Variants in GALNTL6 observed in about 807,000 individuals in gnomAD.
The protein encoded by GALNTL6 is polypeptide N-acetylgalactosaminyltransferase like 6, also known as polypeptide N-acetylgalactosaminyltransferase-like 6.
Under a neutral mutation model 73.7 loss-of-function variants are expected in GALNTL6, and 46 were observed. That is an observed-to-expected ratio of 0.62 (90% CI 0.49 to 0.80). GALNTL6 has a LOEUF of 0.80. Ranked by LOEUF, GALNTL6 falls within the 30% of genes least tolerant of loss-of-function variation. The pLI, the probability that GALNTL6 is intolerant of heterozygous loss-of-function variation, is 0.00. For missense variants in GALNTL6, 604 were observed against 755.0 expected, an observed-to-expected ratio of 0.80 and a Z score of 2.34; for synonymous variants, 259 against 263.7, an observed-to-expected ratio of 0.98 and a Z score of 0.17.
intron 5 of GALNTL6, among the ~76,000 whole-genome samples, chr4:172,785,735 G>A (rs1739616814): frequency 6.6e-6 from 1 of 151,956 alleles, no homozygotes; most frequent in Admixed American, 6.6e-5. Context: ...TGAAAAGAAT[G>A]TCTAAGTAGT....
chr4:172,945,090 A>G (rs1245009267), intron 9 of GALNTL6, among the ~76,000 whole-genome samples: 1 of 151,890 alleles, frequency 6.6e-6, no homozygotes, highest in Non-Finnish European at 1.5e-5. Context: ...AAAGAATACT[A>G]TAAGAATGAA....
chr4:172,404,994 T>G (rs973051827), intron 5 of GALNTL6, among the ~76,000 whole-genome samples: 3 of 152,084 alleles, frequency 2.0e-5, no homozygotes, highest in Non-Finnish European at 4.4e-5. Flanking sequence ...GCTACCGGTC[T>G]CTCAGTTTCA....
At chr4:172,960,945 T>C (rs1406260582) in intron 10 of GALNTL6, among the ~76,000 whole-genome samples, 1 of 128,994 alleles carries the variant, frequency 7.8e-6, no homozygotes. Flanking sequence ...AGAGAAAGGG[T>C]GGGGGTGCTT....
chr4:171,874,274 C>T (rs1736216293), intron 2 of GALNTL6, among the ~76,000 whole-genome samples: 1 of 152,146 alleles, frequency 6.6e-6, no homozygotes, highest in South Asian at 2.1e-4. Flanking sequence ...GCAATCTTGG[C>T]TCACGGCAAC....
At position 172,345,094 on chromosome 4, in the gene GALNTL6, G is replaced by GTT. The variant is rs34057253; in HGVS notation, c.387-3415_387-3414dup. 4.9e-3 allele frequency among the ~76,000 whole-genome samples: 694 copies of GTT among 141,676 alleles called. 5 individuals carry two copies. The highest frequency in any genetic ancestry group is 0.017 in the African/African-American group (654 of 39,416). The allele number at this position is 141,676 out of a possible 152,430, so 92.9% of individuals were successfully genotyped here. A position where few individuals can be genotyped will look rare whatever the true frequency, so the allele number is the denominator to read the frequency against. ...CCTTAGCACATTATGAAGAGGTATT[G>GTT]TTTTTTTTTTTTTTTGCTCCCACAT... is the stretch of plus-strand genomic sequence containing the variant. On this transcript the variant is annotated intron_variant, in intron 4 of 12. Transcript: ENST00000506823.
chr4:172,240,286 C>T (rs372517030), intron 3 of GALNTL6, among the ~76,000 whole-genome samples: 24 of 152,112 alleles, frequency 1.6e-4, no homozygotes, highest in African/African-American at 2.7e-4. Context: ...TGCAGTGGCA[C>T]GATCTCGGCT....
Position 172,569,678 on chromosome 4 carries a change from AG to A in GALNTL6, c.553+220990del, listed in dbSNP as rs199891275. Among the ~76,000 whole-genome samples, 1,316 of 152,304 alleles carry A rather than the reference AG, an allele frequency of 8.6e-3. 15 individuals are homozygous for A. The highest frequency in any genetic ancestry group is 0.03 in the African/African-American group (1,232 of 41,560). ...ATAAGGGAACATCAAAGGAAAAGCTAGAAGTCATAAAGGGAAAAAAAAGATG... is the reference window on the plus strand; with the variant it reads ...ATAAGGGAACATCAAAGGAAAAGCTAAAGTCATAAAGGGAAAAAAAAGATG... On this transcript the variant is annotated intron_variant, in intron 5 of 12. Transcript: ENST00000506823.
At chr4:171,866,644 T>C (rs558994135) in intron 2 of GALNTL6, among the ~76,000 whole-genome samples, 15 of 152,330 alleles carry the variant, frequency 9.8e-5, no homozygotes, top group Non-Finnish European at 1.5e-4. Flanking sequence ...CAACAGAAAT[T>C]TATTTCTCAC....
chr4:172,364,750 A>C (rs1447967574), intron 5 of GALNTL6, among the ~76,000 whole-genome samples: 1 of 152,142 alleles, frequency 6.6e-6, no homozygotes, highest in Admixed American at 6.5e-5. Flanking sequence ...ATCTGTCCCT[A>C]GTCAAAGTGG....
intron 5 of GALNTL6, among the ~76,000 whole-genome samples, chr4:172,524,805 A>C (rs1404445320): frequency 1.3e-5 from 2 of 152,158 alleles, no homozygotes; most frequent in Non-Finnish European, 2.9e-5. Context: ...TTAAATAACT[A>C]CCTTTTCCTC....
At position 172,884,393 on chromosome 4, in the gene GALNTL6, T is replaced by A. The variant is rs1480063329; in HGVS notation, c.1041+1486T>A. Among the ~76,000 whole-genome samples the A allele has an allele frequency of 2.0e-5, 3 of 152,248 alleles. No homozygotes were observed. In the East Asian group the frequency reaches 5.8e-4, roughly 29 times the overall value. On this transcript the variant is annotated intron_variant, in intron 8 of 12. Transcript: ENST00000506823. The stretch of plus-strand genomic sequence containing the variant: ...CTAAAGATGTTCAACATTTTTCATA[T>A]ACCTGTTGGCCATTTGTATGTCTTC...
At chr4:172,576,445 G>A (rs112950156) in intron 5 of GALNTL6, among the ~76,000 whole-genome samples, 88 of 152,330 alleles carry the variant, frequency 5.8e-4, no homozygotes, top group African/African-American at 2.0e-3. Flanking sequence ...GATGGAAAGA[G>A]CTTGGGTCTA....
intron 2 of GALNTL6, among the ~76,000 whole-genome samples, chr4:171,840,175 A>G (rs17057476): frequency 0.019 from 2,826 of 152,304 alleles, 92 homozygotes; most frequent in East Asian, 0.11. Context: ...AGTTACAAAC[A>G]AATTTTATTA....
At chr4:172,654,597 G>A (rs1394903228) in intron 5 of GALNTL6, among the ~76,000 whole-genome samples, 1 of 151,938 alleles carries the variant, frequency 6.6e-6, no homozygotes, top group Non-Finnish European at 1.5e-5. Context: ...GAAATTCCTC[G>A]GGCAATCTGG....
chr4:172,714,705 C>G (rs1289562963), intron 5 of GALNTL6, among the ~76,000 whole-genome samples: 2 of 151,938 alleles, frequency 1.3e-5, no homozygotes, highest in Non-Finnish European at 2.9e-5. Context: ...AATACATAGG[C>G]CATTTAAAAT....
intron 2 of GALNTL6, among the ~76,000 whole-genome samples, chr4:172,058,113 G>GTTGTGTTGTTTTGTT (rs1553988696): frequency 6.8e-6 from 1 of 146,266 alleles, no homozygotes; most frequent in Non-Finnish European, 1.5e-5. Flanking sequence ...GGCTGAAGTG[G>GTTGTGTTGTTTTGTT]TTGTTTTGTT....
intron 2 of GALNTL6, among the ~76,000 whole-genome samples, chr4:172,151,639 G>C (rs997667353): frequency 1.3e-5 from 2 of 152,130 alleles, no homozygotes; most frequent in African/African-American, 2.4e-5. Context: ...AAGAGTTGTT[G>C]AAAGAAGATT....
chr4:171,930,974 G>A (rs1429715475), intron 2 of GALNTL6, among the ~76,000 whole-genome samples: 1 of 152,192 alleles, frequency 6.6e-6, no homozygotes, highest in African/African-American at 2.4e-5. Flanking sequence ...ATTGGATGTT[G>A]AAGTTCTTGC....
At chr4:172,763,558 G>C (rs945593633) in intron 5 of GALNTL6, among the ~76,000 whole-genome samples, 1 of 152,128 alleles carries the variant, frequency 6.6e-6, no homozygotes, top group African/African-American at 2.4e-5. Flanking sequence ...CTAAGTAGAC[G>C]AATAATTACC....
Sources: gnomAD v4.1 joint callset for allele counts (sites outside exome capture counted in the v4.1 genomes callset) on GRCh38, gnomAD v4.1.1 for gene constraint, MANE v1.5 for transcripts, NCBI Gene and HGNC (gene_info 2026-07-23, HGNC 2026-07-21) for gene names.